Variants in FREM2 observed in about 807,000 individuals in gnomAD.
FREM2 encodes FRAS1 related extracellular matrix 2.
A neutral mutation model predicts 219.9 loss-of-function variants in FREM2; 119 were observed. That is an observed-to-expected ratio of 0.54 (90% confidence interval 0.47 to 0.63). The LOEUF (loss-of-function observed/expected upper bound fraction) is 0.63. Among genes scored for constraint, FREM2 ranks in the 30% least tolerant of loss-of-function variants. The pLI, the probability that FREM2 is intolerant of heterozygous loss-of-function variation, is 0.00. For missense variants in FREM2, 4,030 were observed against 3,993.6 expected, an observed-to-expected ratio of 1.01 and a Z score of -0.25; for synonymous variants, 1,562 against 1,522.8, an observed-to-expected ratio of 1.03 and a Z score of -0.60.
chr13:38,704,674 A>G (rs980038593), intron 2 of FREM2, among the ~76,000 whole-genome samples: 1 of 152,198 alleles, frequency 6.6e-6, no homozygotes, highest in African/African-American at 2.4e-5. Flanking sequence ...TGTGCTAAAG[A>G]AAAGAGTATC....
chr13:38,750,471 G>A (rs992597139), intron 2 of FREM2, among the ~76,000 whole-genome samples: 5 of 151,894 alleles, frequency 3.3e-5, no homozygotes, highest in African/African-American at 4.8e-5. Flanking sequence ...TTTTTTTTAT[G>A]GTTGAATGAT....
At position 38,882,111 on chromosome 13, in the gene FREM2, C is replaced by A. The variant is rs941381286; in HGVS notation, c.*1324C>A. 2 of 152,164 alleles carry A rather than the reference C, an allele frequency of 1.3e-5. No homozygotes were observed. Among genetic ancestry groups the A allele is most frequent in the African/African-American group, 4.8e-5 (2 of 41,438 alleles). The allele number at this position is 152,164 out of a possible 1,614,324, so 9.4% of individuals were successfully genotyped here. Reference sequence around the variant, plus strand: ...CCATTCACCTCCCAAAGCCAAGGAACTTGAGTGAGCTTCCTTGGCAAGCCT... The same window carrying A: ...CCATTCACCTCCCAAAGCCAAGGAAATTGAGTGAGCTTCCTTGGCAAGCCT... On this transcript the variant is annotated 3_prime_UTR_variant, in exon 24 of 24. Transcript: ENST00000280481.
chr13:38,829,104 T>A (rs1593432730), intron 6 of FREM2, among the ~76,000 whole-genome samples: 1 of 152,146 alleles, frequency 6.6e-6, no homozygotes, highest in South Asian at 2.1e-4. Context: ...GCTGTCATAA[T>A]CCCTAATTTT....
In FREM2 at chr13:38,700,674, T is replaced by C. The variant is rs147228290; in HGVS notation, c.5263+2887T>C. Among the ~76,000 whole-genome samples the C allele has an allele frequency of 3.5e-3, 539 of 152,174 alleles. 2 individuals carry two copies. Among genetic ancestry groups the C allele is most frequent in the African/African-American group, 0.012 (512 of 41,556 alleles). ...ACTGAGTCACCAAAATAAGTAACTT[T>C]CCTCCTTCAAGCTGCACAGCTGGGC... On this transcript the variant is annotated intron_variant, in intron 2 of 23. Transcript: ENST00000280481.
At chr13:38,709,679 A>C (rs1201529125) in intron 2 of FREM2, among the ~76,000 whole-genome samples, 2 of 152,110 alleles carry the variant, frequency 1.3e-5, no homozygotes, top group African/African-American at 4.8e-5. Flanking sequence ...TAATTTAAAA[A>C]TCTTTTATTT....
chr13:38,823,868 GC>G (rs1876168506), intron 6 of FREM2, among the ~76,000 whole-genome samples: 1 of 151,920 alleles, frequency 6.6e-6, no homozygotes, highest in Non-Finnish European at 1.5e-5. Context: ...AAAGGTTGTG[GC>G]CCATAGTATT....
At chr13:38,707,623 A>T (rs1176169380) in intron 2 of FREM2, among the ~76,000 whole-genome samples, 2 of 152,140 alleles carry the variant, frequency 1.3e-5, no homozygotes, top group Non-Finnish European at 1.5e-5. Flanking sequence ...AACTCTACTT[A>T]TCCAGCTGTT....
chr13:38,871,940 T>C (rs891457478), intron 16 of FREM2, among the ~76,000 whole-genome samples: 1 of 152,224 alleles, frequency 6.6e-6, no homozygotes, highest in Admixed American at 6.5e-5. Flanking sequence ...ATAAATGTTA[T>C]ATGTTATTAG....
At chr13:38,712,674 A>G (rs1870828396) in intron 2 of FREM2, among the ~76,000 whole-genome samples, 1 of 143,256 alleles carries the variant, frequency 7.0e-6, no homozygotes, top group Admixed American at 7.0e-5. Context: ...ACACACACAC[A>G]CAAACACACA....
intron 6 of FREM2, among the ~76,000 whole-genome samples, chr13:38,808,339 A>T (rs756547310): frequency 1.3e-5 from 2 of 151,924 alleles, no homozygotes; most frequent in Non-Finnish European, 1.5e-5. Flanking sequence ...TTGTGTGTTC[A>T]CTGGAATAGC....
chr13:38,816,631 G>C (rs1875778876), intron 6 of FREM2, among the ~76,000 whole-genome samples: 1 of 151,686 alleles, frequency 6.6e-6, no homozygotes, highest in African/African-American at 2.4e-5. Context: ...ACAGAGTGAG[G>C]AAAAATTGTA....
chr13:38,696,384 T>G (rs1870107725), intron 1 of FREM2, among the ~76,000 whole-genome samples: 1 of 152,212 alleles, frequency 6.6e-6, no homozygotes, highest in Admixed American at 6.5e-5. Flanking sequence ...TTGCCTCACT[T>G]GAGATTAACA....
chr13:38,741,328 C>G (rs1872238230), intron 2 of FREM2, among the ~76,000 whole-genome samples: 1 of 152,126 alleles, frequency 6.6e-6, no homozygotes, highest in Non-Finnish European at 1.5e-5. Context: ...GCCAGGAGTA[C>G]CCAGTGCTCT....
At chr13:38,844,995 T>G (rs1034372104) in intron 6 of FREM2, among the ~76,000 whole-genome samples, 11 of 152,266 alleles carry the variant, frequency 7.2e-5, no homozygotes, top group Non-Finnish European at 1.3e-4. Context: ...TCTATACACA[T>G]TACACTCATG....
chr13:38,753,412 T>C (rs1872856985), intron 2 of FREM2, among the ~76,000 whole-genome samples: 2 of 152,302 alleles, frequency 1.3e-5, no homozygotes, highest in South Asian at 4.1e-4. Flanking sequence ...TGTAATCTTA[T>C]TCACATCCCA....
Position 38,864,325 on chromosome 13 carries a change from C to T in FREM2, c.7702C>T (p.Leu2568Phe). 1 of 1,614,212 alleles carries T rather than the reference C, an allele frequency of 6.2e-7. No individual in the cohort carries two copies. The highest frequency in any genetic ancestry group is 8.5e-7 in the Non-Finnish European group (1 of 1,180,010). Reference protein sequence around the residue: ...TRELSNFELTLSPDGTRVGNH... With the variant: ...TRELSNFELTFSPDGTRVGNH... ...AGAGCTTTCCAACTTTGAGCTCACC[C>T]TCAGCCCTGATGGCACAAGAGTTGG... The change falls in exon 16 of 24, where the codon CTC (leucine) becomes TTC (phenylalanine). Residue 2568 changes from leucine (L) to phenylalanine (F), a missense_variant. Physicochemically the swap from Leu to Phe is conservative, Grantham distance 22. Coordinates refer to ENST00000280481, the MANE Select transcript of FREM2 (RefSeq NM_207361.6).
intron 6 of FREM2, among the ~76,000 whole-genome samples, chr13:38,799,856 G>T (rs1449838557): frequency 2.6e-5 from 4 of 151,724 alleles, no homozygotes; most frequent in Admixed American, 2.6e-4. Context: ...GAATCTATAT[G>T]TGTCTTTGAA....
chr13:38,845,258 A>G (rs1877107627), intron 6 of FREM2, among the ~76,000 whole-genome samples: 2 of 152,214 alleles, frequency 1.3e-5, no homozygotes, highest in South Asian at 2.1e-4. Flanking sequence ...AACTTGAACA[A>G]TGCACAAAAT....
At chr13:38,802,534 G>C (rs1318106711) in intron 6 of FREM2, among the ~76,000 whole-genome samples, 2 of 152,232 alleles carry the variant, frequency 1.3e-5, no homozygotes, top group Non-Finnish European at 2.9e-5. Context: ...AGTGCAGTTT[G>C]ATTGCACCCC....
Sources: gnomAD v4.1 joint callset for allele counts (sites outside exome capture counted in the v4.1 genomes callset) on GRCh38, gnomAD v4.1.1 for gene constraint, MANE v1.5 for transcripts, NCBI Gene and HGNC (gene_info 2026-07-23, HGNC 2026-07-21) for gene names.